Variants in COMT observed in about 807,000 individuals in gnomAD.
COMT encodes the protein catechol O-methyltransferase.
Under a neutral mutation model 18.9 loss-of-function variants are expected in COMT, and 13 were observed. The observed-to-expected ratio is 0.69, with a 90% CI of 0.45 to 1.09. The LOEUF is 1.09. Ranked by LOEUF, COMT falls within the 50% of genes least tolerant of loss-of-function variation. COMT has a pLI of 0.00. For missense variants in COMT, 329 were observed against 361.8 expected (o/e 0.91, Z 0.73); for synonymous variants, 150 against 160.9 (o/e 0.93, Z 0.51).
chr22:19,964,875 C>A, intron 5 of COMT: 1 of 247,472 alleles, frequency 4.0e-6, no homozygotes, highest in South Asian at 5.7e-5. Flanking sequence ...GCTTAAGGAG[C>A]CTCACATCAG....
intron 2 of COMT, 195 bp from the exon 3 acceptor site, chr22:19,962,332 C>T (rs556805221): frequency 1.8e-5 from 16 of 887,764 alleles, no homozygotes; most frequent in African/African-American, 1.7e-4. Flanking sequence ...TCTGTCTACC[C>T]GAGGGCACCA....
At chr22:19,947,758 C>G (rs796901289) in intron 1 of COMT, among the ~76,000 whole-genome samples, 10 of 152,318 alleles carry the variant, frequency 6.6e-5, no homozygotes, top group African/African-American at 2.4e-4. Context: ...TGACACTCCA[C>G]AAGAGGTGGT....
At chr22:19,950,872 G>A (rs978976911) in intron 1 of COMT, 1 of 152,178 alleles carries the variant, frequency 6.6e-6, no homozygotes, top group Non-Finnish European at 1.5e-5. Context: ...GTTCCTTGCA[G>A]TTTTGTTTTG....
intron 1 of COMT, among the ~76,000 whole-genome samples, chr22:19,960,065 G>T (rs1459719528): frequency 6.6e-6 from 1 of 152,228 alleles, no homozygotes. Context: ...CCTCCCACTA[G>T]GCCCTGGGAG....
intron 1 of COMT, 48 bp downstream of exon 1, chr22:19,941,945 G>C (rs983336939): frequency 1.2e-6 from 1 of 832,386 alleles, no homozygotes; most frequent in Non-Finnish European, 1.7e-6. Flanking sequence ...GATTCGGGGC[G>C]GGGGCCTTCA....
chr22:19,951,088 G>A (rs148742700), intron 1 of COMT: 2,059 of 152,300 alleles, frequency 0.014, 18 homozygotes, highest in East Asian at 0.027. Context: ...GGGCGGGCGC[G>A]GTGGCGCACG....
At chr22:19,965,038 G>A (rs165774) in intron 5 of COMT, 42,921 of 163,790 alleles carry the variant, frequency 0.26, 5,986 homozygotes, top group Non-Finnish European at 0.31. Context: ...GTTAGCAGCC[G>A]GACTAGGAGC....
chr22:19,967,208 C>T (rs1942450156), intron 5 of COMT: 3 of 1,304,816 alleles, frequency 2.3e-6, no homozygotes, highest in Non-Finnish European at 3.0e-6. Context: ...TCTTCTGTAT[C>T]CCTGATGACC....
At chr22:19,960,219 AGC>A (rs1269264546) in intron 1 of COMT, among the ~76,000 whole-genome samples, 14 of 152,278 alleles carry the variant, frequency 9.2e-5, no homozygotes, top group Non-Finnish European at 1.9e-4. Flanking sequence ...GTTTCAGAAT[AGC>A]CCTTTTAATT....
At chr22:19,962,385 C>G (rs1569132392) in intron 2 of COMT, 142 bp from the exon 3 acceptor site, 1 of 1,432,768 alleles carries the variant, frequency 7.0e-7, no homozygotes, top group East Asian at 2.5e-5. Flanking sequence ...ACACGTCAGG[C>G]AACTGAGGCA....
rs970645223 is a variant in COMT, at chr22:19,962,594, T to A, written c.68T>A (p.Leu23Gln). The A allele has an allele frequency of 3.2e-6, 5 of 1,584,772 alleles. No individual in the cohort carries two copies. The highest frequency in any genetic ancestry group is 4.3e-6 in the Non-Finnish European group (5 of 1,165,914). Residue 23 changes from leucine to glutamine, a missense_variant, in exon 3 of 6, where the codon CTG becomes CAG. Leu to Gln is a moderately radical substitution (Grantham distance 113). Coordinates refer to ENST00000361682, the MANE Select transcript of COMT (RefSeq NM_000754.4). Reference sequence around the variant, plus strand: ...GGCCTGGTGCTGCTGGTGGTGCTGCTGCTGCTTCTGAGGCACTGGGGCTGG... The same window carrying A: ...GGCCTGGTGCTGCTGGTGGTGCTGCAGCTGCTTCTGAGGCACTGGGGCTGG... Reference protein sequence around the residue: ...LLGLVLLVVLLLLLRHWGWGL... With the variant: ...LLGLVLLVVLQLLLRHWGWGL...
intron 1 of COMT, among the ~76,000 whole-genome samples, chr22:19,946,918 T>G (rs1384630548): frequency 6.9e-6 from 1 of 143,956 alleles, no homozygotes; most frequent in Admixed American, 6.9e-5. Flanking sequence ...TAGTTTTTTT[T>G]TTTTTTTTTT....
intron 1 of COMT, among the ~76,000 whole-genome samples, chr22:19,959,589 G>A (rs973385865): frequency 1.7e-4 from 26 of 152,236 alleles, no homozygotes; most frequent in African/African-American, 6.0e-4. Context: ...AGGTGGGGTG[G>A]GCAGGGGCCA....
At chr22:19,950,261 T>TTTTTTTTTTTTTTTTTTA (rs763598655) in intron 1 of COMT, among the ~76,000 whole-genome samples, 1 of 132,722 alleles carries the variant, frequency 7.5e-6, no homozygotes, top group Non-Finnish European at 1.6e-5. Context: ...TTTTTTTTTT[T>TTTTTTTTTTTTTTTTTTA]TTCTGTAGAG....
At chr22:19,964,359 C>T in intron 5 of COMT, 60 bp downstream of exon 5, 1 of 1,611,950 alleles carries the variant, frequency 6.2e-7, no homozygotes, top group African/African-American at 1.3e-5. Context: ...TTCAGTCAGC[C>T]TCAGCCTCTC....
chr22:19,963,505 G>T, intron 3 of COMT, 61 bp from the exon 4 acceptor site: 2 of 1,585,158 alleles, frequency 1.3e-6, no homozygotes, highest in Non-Finnish European at 1.7e-6. Flanking sequence ...CCGTGCCTGG[G>T]GATCCAAGTT....
Position 19,947,034 on chromosome 22 carries a change from G to GC in COMT, c.-92+5143dup, listed in dbSNP as rs556004212. Among the ~76,000 whole-genome samples, 29 of 148,672 alleles carry GC rather than the reference G, an allele frequency of 2.0e-4. 1 individual carries two copies. In the South Asian group the frequency reaches 5.8e-3, roughly 30 times the overall value. The stretch of plus-strand genomic sequence containing the variant: ...GGGCTCAAGCGATTCTCCTGCCTCA[G>GC]CCCCCCAAGTAGCTGGGATTACAGG... On this transcript the variant is annotated intron_variant, in intron 1 of 5. Transcript: ENST00000361682.
intron 5 of COMT, among the ~76,000 whole-genome samples, chr22:19,968,173 T>C (rs759803348): frequency 2.6e-5 from 4 of 152,186 alleles, no homozygotes; most frequent in Non-Finnish European, 5.9e-5. Context: ...CTCTCCCTCA[T>C]AGGCCTGAGT....
chr22:19,966,981 C>T, intron 5 of COMT: 1 of 985,436 alleles, frequency 1.0e-6, no homozygotes, highest in African/African-American at 1.7e-5. Context: ...CATGTTTAGC[C>T]AGTTCTCCAG....
Sources: gnomAD v4.1 joint callset for allele counts (sites outside exome capture counted in the v4.1 genomes callset) on GRCh38, gnomAD v4.1.1 for gene constraint, MANE v1.5 for transcripts, NCBI Gene and HGNC (gene_info 2026-07-23, HGNC 2026-07-21) for gene names.